Variants in RCOR1 observed in about 807,000 individuals in gnomAD.
RCOR1 encodes the protein REST corepressor 1, also known as REST corepressor.
In RCOR1, 12 loss-of-function variants were observed where a neutral mutation model predicts 64.0. The observed-to-expected ratio is 0.19, with a 90% confidence interval of 0.12 to 0.30. The LOEUF is 0.30. Among genes scored for constraint, RCOR1 ranks in the 10% least tolerant of loss-of-function variants. RCOR1 has a pLI of 1.00. For synonymous variants in RCOR1, 279 were observed against 227.2 expected (o/e 1.23, Z -2.05); for missense variants, 502 against 621.2 (o/e 0.81, Z 2.04).
At chr14:102,664,423 G>T (rs1239040229) in intron 2 of RCOR1, among the ~76,000 whole-genome samples, 15 of 152,140 alleles carry the variant, frequency 9.9e-5, no homozygotes, top group Non-Finnish European at 4.4e-5. Flanking sequence ...CTTTGAGCCA[G>T]TTCTAAGGGA....
chr14:102,635,437 G>A (rs1894215872), intron 2 of RCOR1, among the ~76,000 whole-genome samples: 1 of 152,148 alleles, frequency 6.6e-6, no homozygotes, highest in Non-Finnish European at 1.5e-5. Context: ...CCAGGAGGCG[G>A]AGGTTGCAGT....
At chr14:102,689,953 C>G (rs1895498519) in intron 3 of RCOR1, among the ~76,000 whole-genome samples, 1 of 152,110 alleles carries the variant, frequency 6.6e-6, no homozygotes, top group South Asian at 2.1e-4. Context: ...CCATGTTGGC[C>G]AGGCTGGTCT....
At chr14:102,644,608 C>T (rs1894441848) in intron 2 of RCOR1, among the ~76,000 whole-genome samples, 1 of 151,748 alleles carries the variant, frequency 6.6e-6, no homozygotes, top group African/African-American at 2.4e-5. Context: ...CTGAATCAAG[C>T]CCAGTTGTGG....
intron 4 of RCOR1, among the ~76,000 whole-genome samples, chr14:102,702,845 G>C (rs1053568584): frequency 2.0e-5 from 3 of 152,196 alleles, no homozygotes; most frequent in Admixed American, 6.5e-5. Flanking sequence ...GGTAAAGTAT[G>C]CCCATTCAGT....
At chr14:102,601,050 G>A (rs1460685529) in intron 2 of RCOR1, among the ~76,000 whole-genome samples, 2 of 151,900 alleles carry the variant, frequency 1.3e-5, no homozygotes, top group Non-Finnish European at 2.9e-5. Flanking sequence ...TTAGCTGGGC[G>A]TGGTGGTGCA....
At position 102,720,989 on chromosome 14, in the gene RCOR1, T is replaced by C. The variant is rs763274265; in HGVS notation, c.1054-18T>C. The C allele has an allele frequency of 1.7e-5, 23 of 1,360,912 alleles. No individual in the cohort carries two copies. Among genetic ancestry groups the C allele is most frequent in the Non-Finnish European group, 2.3e-5 (23 of 986,868 alleles). The allele number at this position is 1,360,912 out of a possible 1,614,324, so 84.3% of individuals were successfully genotyped here. A position where few individuals can be genotyped will look rare whatever the true frequency, so the allele number is the denominator to read the frequency against. ...ATAGTTTTTATTTTTAAAATGAAAA[T>C]TATTTTTTCCTTCCTAGATCCAGAA... On this transcript the variant is annotated intron_variant, in intron 8 of 11. Coordinates refer to ENST00000262241, the MANE Select transcript of RCOR1 (RefSeq NM_015156.4).
intron 2 of RCOR1, among the ~76,000 whole-genome samples, chr14:102,618,081 C>G (rs1323552548): frequency 6.8e-6 from 1 of 147,946 alleles, no homozygotes; most frequent in South Asian, 2.1e-4. Context: ...TCAAGTGATT[C>G]CCGTGCCTCA....
chr14:102,649,168 A>G (rs1894534972), intron 2 of RCOR1, among the ~76,000 whole-genome samples: 2 of 152,198 alleles, frequency 1.3e-5, no homozygotes, highest in South Asian at 4.1e-4. Context: ...CTCTTAACAA[A>G]CATAAATTAA....
At chr14:102,645,397 T>C (rs1894458721) in intron 2 of RCOR1, among the ~76,000 whole-genome samples, 1 of 152,220 alleles carries the variant, frequency 6.6e-6, no homozygotes, top group African/African-American at 2.4e-5. Flanking sequence ...AGGTAGATCA[T>C]GGAGTTTATT....
intron 2 of RCOR1, among the ~76,000 whole-genome samples, chr14:102,595,960 A>G (rs1213120164): frequency 1.3e-5 from 2 of 152,116 alleles, no homozygotes; most frequent in African/African-American, 4.8e-5. Context: ...TGTTTTGCCA[A>G]CCTAAGCAGG....
intron 2 of RCOR1, among the ~76,000 whole-genome samples, chr14:102,636,234 G>A (rs187596590): frequency 5.4e-4 from 82 of 151,978 alleles, no homozygotes; most frequent in Non-Finnish European, 8.8e-4. Flanking sequence ...AACCACACCC[G>A]GCAGTGAGAA....
intron 4 of RCOR1, among the ~76,000 whole-genome samples, chr14:102,707,121 A>G (rs555800704): frequency 6.6e-6 from 1 of 152,302 alleles, no homozygotes; most frequent in Admixed American, 6.5e-5. Flanking sequence ...CCTATATTAA[A>G]AGACATTATA....
intron 2 of RCOR1, among the ~76,000 whole-genome samples, chr14:102,666,457 T>C (rs1415116470): frequency 6.6e-6 from 1 of 152,200 alleles, no homozygotes; most frequent in African/African-American, 2.4e-5. Context: ...TTACAATTAG[T>C]GATTGATTGA....
rs1896336738 is a variant in RCOR1 at position 102,729,877 on chromosome 14, C to T, written c.*3371C>T. 5.0e-6 allele frequency: 2 copies of T among 398,974 alleles called. No individual in the cohort carries two copies. Among genetic ancestry groups the T allele is most frequent in the Non-Finnish European group, 8.8e-6 (2 of 226,092 alleles). 24.7% of individuals were successfully genotyped at this position (398,974 alleles called of 1,614,324 possible). A position where few individuals can be genotyped will look rare whatever the true frequency, so the allele number is the denominator to read the frequency against. On this transcript the variant is annotated 3_prime_UTR_variant, in exon 12 of 12. Transcript: ENST00000262241. ...GGCCTCTTTTTCTCTCTTGTCTAGC[C>T]TGTTTCTAAACCGAATGATCCAGGA...
At chr14:102,629,994 G>A (rs1193179604) in intron 2 of RCOR1, 1 of 976,816 alleles carries the variant, frequency 1.0e-6, no homozygotes, top group Non-Finnish European at 1.2e-6. Flanking sequence ...CTTATTTTGT[G>A]TAAGGCAGAA....
chr14:102,634,302 T>G (rs993650513), intron 2 of RCOR1, among the ~76,000 whole-genome samples: 1 of 151,958 alleles, frequency 6.6e-6, no homozygotes, highest in Non-Finnish European at 1.5e-5. Flanking sequence ...GAGGCCAGGA[T>G]TTCAAGGCTT....
At chr14:102,638,634 C>T (rs1894294278) in intron 2 of RCOR1, among the ~76,000 whole-genome samples, 1 of 151,986 alleles carries the variant, frequency 6.6e-6, no homozygotes, top group Non-Finnish European at 1.5e-5. Context: ...GTGTGAGCCA[C>T]CTCGCCTGGC....
intron 2 of RCOR1, chr14:102,655,399 A>G: frequency 4.1e-6 from 4 of 985,312 alleles, no homozygotes; most frequent in Non-Finnish European, 4.8e-6. Context: ...AAGCTCATTG[A>G]CATTCCTTCC....
At chr14:102,715,196 G>A (rs1456070825) in intron 8 of RCOR1, among the ~76,000 whole-genome samples, 1 of 151,304 alleles carries the variant, frequency 6.6e-6, no homozygotes, top group African/African-American at 2.4e-5. Flanking sequence ...AGCCTCCCGA[G>A]TAGCTGGGAC....
Sources: allele counts gnomAD v4.1 joint callset (sites outside exome capture counted in the v4.1 genomes callset), GRCh38; gene constraint gnomAD v4.1.1; transcripts MANE v1.5; gene names NCBI Gene and HGNC (gene_info 2026-07-23, HGNC 2026-07-21).